The following NELL2 variants were observed in gnomAD, a reference collection of about 807,000 sequenced individuals.
NELL2 encodes the protein neural EGFL like 2, also known as protein kinase C-binding protein NELL2.
In NELL2, 41 loss-of-function variants were observed where a neutral mutation model predicts 109.6. The ratio of observed to expected loss-of-function variants is 0.37; its 90% confidence interval spans 0.29 to 0.49. NELL2 has a LOEUF of 0.49. NELL2 is among the 20% of genes least tolerant of loss of function. NELL2 has a pLI of 0.98. For missense variants in NELL2, 900 were observed against 1,008.3 expected, an observed-to-expected ratio of 0.89 and a Z score of 1.45; for synonymous variants, 355 against 344.7, an observed-to-expected ratio of 1.03 and a Z score of -0.33.
At chr12:44,766,125 CT>C (rs1375672543) in intron 9 of NELL2, among the ~76,000 whole-genome samples, 1 of 151,948 alleles carries the variant, frequency 6.6e-6, no homozygotes, top group Non-Finnish European at 1.5e-5. Flanking sequence ...CTGAATTCTG[CT>C]TTATCACAAT....
intron 9 of NELL2, among the ~76,000 whole-genome samples, chr12:44,715,091 AG>A (rs1283275039): frequency 6.6e-6 from 1 of 151,900 alleles, no homozygotes; most frequent in Non-Finnish European, 1.5e-5. Context: ...GCAATAAATC[AG>A]GGGTAATATG....
At chr12:44,717,453 T>G (rs969018187) in intron 9 of NELL2, among the ~76,000 whole-genome samples, 3 of 152,100 alleles carry the variant, frequency 2.0e-5, no homozygotes, top group Admixed American at 1.3e-4. Flanking sequence ...GCAGACAGAC[T>G]CATACACAAC....
At chr12:44,665,335 A>C (rs1216490325) in intron 13 of NELL2, 149 bp downstream of exon 13, 1 of 621,162 alleles carries the variant, frequency 1.6e-6, no homozygotes, top group Non-Finnish European at 2.6e-6. Context: ...GAACAGATTA[A>C]GAAATAACTA....
At chr12:44,848,030 C>CAAAA (rs567012744) in intron 2 of NELL2, among the ~76,000 whole-genome samples, 2 of 69,370 alleles carry the variant, frequency 2.9e-5, no homozygotes, top group African/African-American at 1.1e-4. Flanking sequence ...AACTCTGTCT[C>CAAAA]AAAAAAAAAA....
At chr12:44,591,831 T>G (rs1944763709) in intron 15 of NELL2, among the ~76,000 whole-genome samples, 1 of 152,214 alleles carries the variant, frequency 6.6e-6, no homozygotes, top group South Asian at 2.1e-4. Flanking sequence ...CCTGATTTCA[T>G]CATTAGACAT....
At chr12:44,546,758 C>T (rs12313496) in intron 15 of NELL2, among the ~76,000 whole-genome samples, 5,322 of 152,186 alleles carry the variant, frequency 0.035, 333 homozygotes, top group African/African-American at 0.12. Context: ...AAGGCAACCC[C>T]AAATGATAGA....
At position 44,532,700 on chromosome 12, in the gene NELL2, C is replaced by T. The variant is rs1942132657; in HGVS notation, c.1685G>A (p.Gly562Asp). The T allele has an allele frequency of 6.2e-7, 1 of 1,612,332 alleles. No individual in the cohort carries two copies. The highest frequency in any genetic ancestry group is 1.1e-5 in the South Asian group (1 of 90,618). ...CETDIDECSD[G>D]FVQCDSRANC... ...AGCACGACTGTCACATTGAACAAAA[C>T]CATCAGAGCATTCATCAATGTCTGG... The change falls in exon 16 of 20, where the codon GGT (glycine) becomes GAT (aspartate). Residue 562 changes from glycine to aspartate, a missense_variant. Transcript: ENST00000429094.
At chr12:44,612,751 T>G (rs1945667399) in intron 13 of NELL2, among the ~76,000 whole-genome samples, 1 of 151,994 alleles carries the variant, frequency 6.6e-6, no homozygotes, top group African/African-American at 2.4e-5. Flanking sequence ...TATAAATCTC[T>G]ATATGGACAG....
At chr12:44,553,290 A>AC (rs1365329907) in intron 15 of NELL2, among the ~76,000 whole-genome samples, 2 of 150,536 alleles carry the variant, frequency 1.3e-5, no homozygotes, top group African/African-American at 4.9e-5. Flanking sequence ...AAAAAAGAAA[A>AC]AAAAAAAAAT....
intron 2 of NELL2, among the ~76,000 whole-genome samples, chr12:44,850,413 T>A (rs1944500210): frequency 6.6e-6 from 1 of 152,128 alleles, no homozygotes; most frequent in African/African-American, 2.4e-5. Flanking sequence ...TAATTTTTCT[T>A]TTAAAAGAAT....
chr12:44,537,178 T>C (rs1942333637), intron 15 of NELL2, among the ~76,000 whole-genome samples: 1 of 151,250 alleles, frequency 6.6e-6, no homozygotes, highest in Non-Finnish European at 1.5e-5. Flanking sequence ...CAACTGACAA[T>C]GGCTTTTGCC....
intron 15 of NELL2, among the ~76,000 whole-genome samples, chr12:44,584,559 G>A (rs989363446): frequency 3.9e-5 from 6 of 152,170 alleles, no homozygotes; most frequent in African/African-American, 1.4e-4. Flanking sequence ...TGTTTGGCAA[G>A]GTTAGGGAAA....
At chr12:44,804,955 T>C (rs1014843351) in intron 3 of NELL2, among the ~76,000 whole-genome samples, 4 of 151,920 alleles carry the variant, frequency 2.6e-5, no homozygotes, top group Non-Finnish European at 4.4e-5. Context: ...AATCCATTTT[T>C]CTAGTAATAC....
At chr12:44,726,450 G>A (rs73278139) in intron 9 of NELL2, among the ~76,000 whole-genome samples, 4,140 of 152,196 alleles carry the variant, frequency 0.027, 187 homozygotes, top group African/African-American at 0.093. Flanking sequence ...AATGGGCTTC[G>A]CTTTCTAGTC....
intron 1 of NELL2, among the ~76,000 whole-genome samples, chr12:44,910,714 C>T (rs922615089): frequency 5.9e-5 from 9 of 151,890 alleles, no homozygotes; most frequent in African/African-American, 1.7e-4. Flanking sequence ...ACCTAGGTGC[C>T]CATCAATGAT....
chr12:44,891,392 T>C (rs1945532457), intron 1 of NELL2, among the ~76,000 whole-genome samples: 1 of 152,198 alleles, frequency 6.6e-6, no homozygotes, highest in South Asian at 2.1e-4. Context: ...ATGCACCTTC[T>C]AATAATGTTC....
intron 12 of NELL2, among the ~76,000 whole-genome samples, chr12:44,697,470 A>T (rs1250095426): frequency 6.6e-6 from 1 of 152,188 alleles, no homozygotes; most frequent in African/African-American, 2.4e-5. Flanking sequence ...CATGGGGAAA[A>T]TGTGCAAACT....
At chr12:44,657,550 T>C (rs1235494211) in intron 13 of NELL2, among the ~76,000 whole-genome samples, 2 of 152,198 alleles carry the variant, frequency 1.3e-5, no homozygotes, top group African/African-American at 4.8e-5. Context: ...CACATAGGTA[T>C]ACACGTGCCA....
chr12:44,633,472 TAAA>T (rs1946526806), intron 13 of NELL2, among the ~76,000 whole-genome samples: 1 of 152,002 alleles, frequency 6.6e-6, no homozygotes, highest in Non-Finnish European at 1.5e-5. Context: ...AAAGAAATAA[TAAA>T]GAAGTAATAC....
Sources: gnomAD v4.1 joint callset for allele counts (sites outside exome capture counted in the v4.1 genomes callset) on GRCh38, gnomAD v4.1.1 for gene constraint, MANE v1.5 for transcripts, NCBI Gene and HGNC (gene_info 2026-07-23, HGNC 2026-07-21) for gene names.